Variants in NTM observed in about 807,000 individuals in gnomAD.
NTM encodes neurotrimin, also known as IgLON family member 2.
NTM carries 13 observed loss-of-function variants against 42.1 expected under a neutral mutation model. The observed-to-expected ratio is 0.31, with a 90% CI of 0.20 to 0.49. NTM has a LOEUF of 0.49. Among genes scored for constraint, NTM ranks in the 20% least tolerant of loss-of-function variants. The pLI is 0.99. For missense variants in NTM, 373 were observed against 452.8 expected (o/e 0.82, Z 1.60); for synonymous variants, 187 against 179.2 (o/e 1.04, Z -0.35).
At chr11:131,629,513 A>G (rs79993992) in intron 1 of NTM, among the ~76,000 whole-genome samples, 648 of 152,308 alleles carry the variant, frequency 4.3e-3, no homozygotes, top group Middle Eastern at 0.01. Flanking sequence ...AAATATCCAT[A>G]TATTGAATAA....
intron 2 of NTM, among the ~76,000 whole-genome samples, chr11:131,955,665 A>G (rs1273596769): frequency 2.0e-5 from 3 of 152,014 alleles, no homozygotes; most frequent in Admixed American, 6.6e-5. Context: ...TGGCACCAAG[A>G]CCTGGAAGGA....
At chr11:131,448,931 T>C (rs956240593) in intron 1 of NTM, among the ~76,000 whole-genome samples, 1 of 152,172 alleles carries the variant, frequency 6.6e-6, no homozygotes, top group Non-Finnish European at 1.5e-5. Context: ...AAGCCCCTGC[T>C]TCTGTTTAGG....
At chr11:131,697,571 C>T (rs940982895) in intron 1 of NTM, among the ~76,000 whole-genome samples, 20 of 152,242 alleles carry the variant, frequency 1.3e-4, no homozygotes, top group East Asian at 3.9e-4. Flanking sequence ...GGTGACTTTC[C>T]GGGATTTATC....
Position 132,336,512 on chromosome 11 carries a change from C to A in NTM, c.*1366C>A, listed in dbSNP as rs1313204250. The A allele has an allele frequency of 2.6e-5, 4 of 152,758 alleles. No individual in the cohort carries two copies. Among genetic ancestry groups the A allele is most frequent in the South Asian group, 2.1e-4 (1 of 4,824 alleles). The allele number at this position is 152,758 out of a possible 1,614,324, so 9.5% of individuals were successfully genotyped here. Reference sequence around the variant, plus strand: ...TGTGGCGTTAACAGACAGCAAGCAGCTGAACAAGCAGTACCGTCAGTACCC... The same window carrying A: ...TGTGGCGTTAACAGACAGCAAGCAGATGAACAAGCAGTACCGTCAGTACCC... On this transcript the variant is annotated 3_prime_UTR_variant, in exon 9 of 9. Transcript: ENST00000683400.
chr11:132,025,079 G>A (rs56389918), intron 2 of NTM, among the ~76,000 whole-genome samples: 29,082 of 152,150 alleles, frequency 0.19, 3,336 homozygotes, highest in Non-Finnish European at 0.25. Flanking sequence ...CAGCACCTTG[G>A]AGTCATGGGA....
intron 7 of NTM, 38 bp downstream of exon 7, chr11:132,314,741 AG>A: frequency 6.3e-7 from 1 of 1,589,822 alleles, no homozygotes; most frequent in Non-Finnish European, 8.6e-7. Flanking sequence ...AAGAGGGGAG[AG>A]GGTGCAGAAC....
chr11:131,608,027 A>G (rs1477667636), intron 1 of NTM, among the ~76,000 whole-genome samples: 2 of 152,068 alleles, frequency 1.3e-5, no homozygotes, highest in Non-Finnish European at 2.9e-5. Context: ...TACATTAGGT[A>G]TATCTCCTAA....
chr11:131,975,118 T>C (rs1390544505), intron 2 of NTM, among the ~76,000 whole-genome samples: 1 of 152,186 alleles, frequency 6.6e-6, no homozygotes, highest in African/African-American at 2.4e-5. Flanking sequence ...CTGCCTAGTT[T>C]CCTTGTTTTT....
chr11:131,419,404 G>C (rs1325900172), intron 1 of NTM, among the ~76,000 whole-genome samples: 1 of 152,192 alleles, frequency 6.6e-6, no homozygotes. Context: ...GTAGAGGGAG[G>C]TTTCCATAGG....
chr11:131,750,937 C>G (rs147021264), intron 1 of NTM, among the ~76,000 whole-genome samples: 1 of 152,246 alleles, frequency 6.6e-6, no homozygotes, highest in Non-Finnish European at 1.5e-5. Flanking sequence ...ATCCCAGGGG[C>G]CTGCATCCAG....
intron 3 of NTM, among the ~76,000 whole-genome samples, chr11:132,160,672 G>T (rs146572988): frequency 6.6e-6 from 1 of 152,304 alleles, no homozygotes; most frequent in East Asian, 1.9e-4. Context: ...AATACCAGGG[G>T]CTATGCCAGC....
rs904685342 is a variant in NTM at position 132,335,211 on chromosome 11, G to T, written c.*65G>T. The T allele has an allele frequency of 1.3e-6, 2 of 1,558,060 alleles. No homozygotes were observed. On this transcript the variant is annotated 3_prime_UTR_variant, in exon 9 of 9. Coordinates refer to ENST00000683400, the MANE Select transcript of NTM (RefSeq NM_001352005.2). ...CCACCACCACCAACACAACAGCAAT[G>T]GCAACACCGACAGCAACCAATCAGA...
At chr11:132,068,953 T>C (rs1024853287) in intron 2 of NTM, among the ~76,000 whole-genome samples, 4 of 152,256 alleles carry the variant, frequency 2.6e-5, no homozygotes, top group African/African-American at 9.6e-5. Flanking sequence ...TTTTTGAATG[T>C]TAATCTCATC....
At chr11:131,671,429 C>A (rs2070210013) in intron 1 of NTM, 1 of 985,320 alleles carries the variant, frequency 1.0e-6, no homozygotes, top group Non-Finnish European at 1.2e-6. Flanking sequence ...CACCACAGCT[C>A]CTGCTTGCCT....
At chr11:131,561,341 G>T (rs2056206286) in intron 1 of NTM, among the ~76,000 whole-genome samples, 1 of 152,180 alleles carries the variant, frequency 6.6e-6, no homozygotes, top group Non-Finnish European at 1.5e-5. Context: ...CTTAGCAGTT[G>T]GCCCTATGTT....
chr11:132,090,920 A>G (rs568837191), intron 2 of NTM, among the ~76,000 whole-genome samples: 6 of 152,186 alleles, frequency 3.9e-5, no homozygotes, highest in Admixed American at 6.5e-5. Context: ...CCTCACCCAG[A>G]CCTACCAAAA....
chr11:131,783,917 A>G (rs2088651147), intron 1 of NTM, among the ~76,000 whole-genome samples: 1 of 152,222 alleles, frequency 6.6e-6, no homozygotes, highest in African/African-American at 2.4e-5. Context: ...AATCTATAAA[A>G]CAGTCATAAC....
At chr11:131,994,016 A>AG (rs1565904036) in intron 2 of NTM, among the ~76,000 whole-genome samples, 11 of 137,254 alleles carry the variant, frequency 8.0e-5, no homozygotes, top group East Asian at 5.5e-4. Context: ...AAAAAAAAAA[A>AG]AAAGAAGAAG....
intron 1 of NTM, among the ~76,000 whole-genome samples, chr11:131,469,151 C>T (rs535107940): frequency 2.6e-5 from 4 of 152,300 alleles, no homozygotes; most frequent in Admixed American, 6.5e-5. Context: ...CCACAACCAG[C>T]GCCTCTGCAT....
Sources: gnomAD v4.1 joint callset for allele counts (sites outside exome capture counted in the v4.1 genomes callset) on GRCh38, gnomAD v4.1.1 for gene constraint, MANE v1.5 for transcripts, NCBI Gene and HGNC (gene_info 2026-07-23, HGNC 2026-07-21) for gene names.